The following MGST1 variants were observed in gnomAD, a reference collection of about 807,000 sequenced individuals.
The protein encoded by MGST1 is microsomal glutathione S-transferase 1, also known as glutathione S-transferase 12.
A neutral mutation model predicts 8.9 loss-of-function variants in MGST1; 5 were observed. The ratio of observed to expected loss-of-function variants is 0.56; its 90% CI spans 0.29 to 1.19. MGST1 has a LOEUF of 1.19. Ranked by LOEUF, MGST1 falls within the 50% of genes most tolerant of loss-of-function variation. The pLI is 0.08. For missense variants in MGST1, 182 were observed against 187.4 expected, an observed-to-expected ratio of 0.97 and a Z score of 0.17; for synonymous variants, 54 against 67.8, an observed-to-expected ratio of 0.80 and a Z score of 1.00.
At position 16,574,587 on chromosome 12, in the gene MGST1, C is replaced by T. The variant is rs545733059; in HGVS notation, n.483-14941C>T. ...GGATAAAAGGTGACTTAGGAACTTT[C>T]CCCCTATTTGTACCACTTTTTAAAT... On this transcript the variant is annotated intron_variant and non_coding_transcript_variant, in intron 4 of 4. Coordinates refer to the MGST1 transcript ENST00000538857. 6.0e-4 allele frequency among the ~76,000 whole-genome samples: 91 copies of T among 152,206 alleles called. 1 individual carries two copies. The highest frequency in any genetic ancestry group is 1.0e-3 in the South Asian group (5 of 4,812).
rs181797988 is a variant in MGST1, at chr12:16,448,158, C to T, written n.482+64554C>T. Among the ~76,000 whole-genome samples the T allele has an allele frequency of 2.6e-3, 391 of 151,622 alleles. 2 individuals are homozygous for T. The highest frequency in any genetic ancestry group is 9.0e-3 in the African/African-American group (374 of 41,380). On this transcript the variant is annotated intron_variant and non_coding_transcript_variant, in intron 4 of 4. Coordinates refer to the MGST1 transcript ENST00000538857. ...AGCAATATTGAAAGGACAATGAGTA[C>T]GACAATTAAGAAAAGACAGAAAGAA...
At chr12:16,398,732 A>C (rs1351714768) in intron 1 of MGST1, among the ~76,000 whole-genome samples, 4 of 152,252 alleles carry the variant, frequency 2.6e-5, no homozygotes, top group Non-Finnish European at 4.4e-5. Context: ...CAAAGGCACC[A>C]GCCCAATCTG....
chr12:16,364,072 C>A lies in MGST1; in HGVS notation c.*31C>A, dbSNP rs746208668. Reference sequence around the variant, plus strand: ...ATCATACAACTCAGCATCCAGTTGGCTTTTTAAGAATTCTGTACTTCCAAT... The same window carrying A: ...ATCATACAACTCAGCATCCAGTTGGATTTTTAAGAATTCTGTACTTCCAAT... On this transcript the variant is annotated 3_prime_UTR_variant, in exon 4 of 4. Transcript: ENST00000396210. This position sits in a 1 kb window ranked among gnomAD's most constrained non-coding sequence, Gnocchi z 5.7. 2.1e-5 allele frequency: 33 copies of A among 1,554,668 alleles called. No individual in the cohort carries two copies. The highest frequency in any genetic ancestry group is 1.7e-4 in the Middle Eastern group (1 of 5,742).
intron 1 of MGST1, chr12:16,399,651 G>C: frequency 6.3e-7 from 1 of 1,594,312 alleles, no homozygotes; most frequent in East Asian, 2.2e-5. Context: ...CTCATCGTCA[G>C]GCTCCAGAAA....
intron 1 of MGST1, among the ~76,000 whole-genome samples, chr12:16,396,077 A>G (rs946078808): frequency 6.6e-6 from 1 of 152,106 alleles, no homozygotes; most frequent in African/African-American, 2.4e-5. Context: ...CCCACAGTGT[A>G]GAAATGTTCC....
chr12:16,366,654 CACACACACACAT>C (rs769198732), downstream of MGST1, among the ~76,000 whole-genome samples: 12,682 of 68,172 alleles, frequency 0.19, 584 homozygotes, highest in East Asian at 0.48. The surrounding 1 kb of genome is among the most constrained non-coding windows in gnomAD (Gnocchi z 4.0). Context: ...CACACACACA[CACACACACACAT>C]ACACACACAC....
At chr12:16,565,154 T>C (rs754513146) in intron 4 of MGST1, among the ~76,000 whole-genome samples, 2 of 152,136 alleles carry the variant, frequency 1.3e-5, no homozygotes, top group Non-Finnish European at 2.9e-5. Context: ...AAAAAAACTA[T>C]AGAATAACTA....
At chr12:16,567,122 C>T (rs559528250) in intron 4 of MGST1, among the ~76,000 whole-genome samples, 52 of 152,138 alleles carry the variant, frequency 3.4e-4, no homozygotes, top group African/African-American at 1.1e-3. Flanking sequence ...CTTGAACCTG[C>T]GAGGCGGAGG....
chr12:16,394,849 G>A (rs989400067), intron 1 of MGST1, among the ~76,000 whole-genome samples: 7 of 151,886 alleles, frequency 4.6e-5, no homozygotes, highest in Non-Finnish European at 1.5e-5. Context: ...CACCTGCCTC[G>A]GCCTCCCACA....
In MGST1 at chr12:16,413,341, A is replaced by G. The variant is rs1325664339; in HGVS notation, n.779-24047A>G. 6.6e-6 allele frequency among the ~76,000 whole-genome samples: 1 copy of G among 152,198 alleles called. No individual in the cohort carries two copies. Among genetic ancestry groups the G allele is most frequent in the African/African-American group, 2.4e-5 (1 of 41,440 alleles). ...GAGTCTTACAGACACAACTGCCTGC[A>G]TGTCCATGAATCCTGCAGCAAAAAA... On this transcript the variant is annotated intron_variant and non_coding_transcript_variant, in intron 1 of 1. Coordinates refer to the MGST1 transcript ENST00000359720. The surrounding 1 kb of genome is among the most constrained non-coding windows in gnomAD (Gnocchi z 4.0).
At chr12:16,395,780 CATATATATATATATAT>C (rs369986291) in intron 1 of MGST1, among the ~76,000 whole-genome samples, 1 of 121,816 alleles carries the variant, frequency 8.2e-6, no homozygotes, top group East Asian at 2.8e-4. Context: ...AGTATTCCAT[CATATATATATATATAT>C]ATATATATAC....
At chr12:16,420,221 G>A (rs1384528907) in intron 1 of MGST1, among the ~76,000 whole-genome samples, 173 of 152,180 alleles carry the variant, frequency 1.1e-3, no homozygotes, top group African/African-American at 3.8e-3. Flanking sequence ...TGATAGCACA[G>A]ATCACATCAT....
chr12:16,376,422 A>C (rs904308365), exon 4 of MGST1: 1 of 272,776 alleles, frequency 3.7e-6, no homozygotes, highest in African/African-American at 2.2e-5. Flanking sequence ...CTAATTTTGA[A>C]TACAAATTTA....
intron 1 of MGST1, among the ~76,000 whole-genome samples, chr12:16,407,768 T>C (rs1489145693): frequency 1.3e-5 from 2 of 152,022 alleles, no homozygotes; most frequent in East Asian, 3.9e-4. Flanking sequence ...TTGCAGTGGC[T>C]CACACCTGTA....
At chr12:16,568,982 A>G (rs1942716881) in intron 4 of MGST1, among the ~76,000 whole-genome samples, 1 of 152,230 alleles carries the variant, frequency 6.6e-6, no homozygotes, top group Non-Finnish European at 1.5e-5. Context: ...ATGTATGCTA[A>G]TAGTGTGAAT....
intron 4 of MGST1, among the ~76,000 whole-genome samples, chr12:16,485,892 AAAAG>A (rs1439435927): frequency 7.9e-5 from 12 of 152,230 alleles, no homozygotes. Flanking sequence ...AAGGTAGAAA[AAAAG>A]AAATTACAAA....
chr12:16,560,553 A>ATT lies in MGST1; in HGVS notation n.483-28963_483-28962dup, dbSNP rs3214385. ...CACCAAAGAGCCTAGAATAAGAAAC[A>ATT]TTTTTTTTTTTTTACAAACTCTTAC... On this transcript the variant is annotated intron_variant and non_coding_transcript_variant, in intron 4 of 4. Transcript: ENST00000538857. The surrounding 1 kb of genome is among the most constrained non-coding windows in gnomAD (Gnocchi z 5.0). 0.011 allele frequency: 15,680 copies of ATT among 1,398,856 alleles called. 2 individuals are homozygous for ATT. Among genetic ancestry groups the ATT allele is most frequent in the South Asian group, 0.02 (1,555 of 76,542 alleles). The allele number at this position is 1,398,856 out of a possible 1,614,324, so 86.7% of individuals were successfully genotyped here.
rs1049786644 is a variant in MGST1, at chr12:16,585,394, A to G, written n.483-4134A>G. On this transcript the variant is annotated intron_variant and non_coding_transcript_variant, in intron 4 of 4. Transcript: ENST00000538857. This position sits in a 1 kb window ranked among gnomAD's most constrained non-coding sequence, Gnocchi z 4.7. ...AACAATCACTTGGCCACAAAGATTAATATTAACCTATATTAAAGGTTATTT... is the reference window on the plus strand; with the variant it reads ...AACAATCACTTGGCCACAAAGATTAGTATTAACCTATATTAAAGGTTATTT... Among the ~76,000 whole-genome samples the G allele has an allele frequency of 2.6e-5, 4 of 152,232 alleles. No individual in the cohort carries two copies. Among genetic ancestry groups the G allele is most frequent in the African/African-American group, 4.8e-5 (2 of 41,470 alleles).
chr12:16,591,295 C>A (rs1353340632), downstream of MGST1, among the ~76,000 whole-genome samples: 1 of 151,964 alleles, frequency 6.6e-6, no homozygotes, highest in African/African-American at 2.4e-5. The surrounding 1 kb of genome is among the most constrained non-coding windows in gnomAD (Gnocchi z 4.1). Flanking sequence ...CCAGAATGTC[C>A]TTCCCATACG....
Sources: gnomAD v4.1 joint callset for allele counts (sites outside exome capture counted in the v4.1 genomes callset) on GRCh38, gnomAD v4.1.1 for gene constraint, Gnocchi (gnomAD v3.1) non-coding constraint, MANE v1.5 for transcripts, NCBI Gene and HGNC (gene_info 2026-07-23, HGNC 2026-07-21) for gene names.